Variants in NTM observed in about 807,000 individuals in gnomAD.
NTM encodes the protein IgLON family member 2.
Under a neutral mutation model 42.1 loss-of-function variants are expected in NTM, and 13 were observed. That is an observed-to-expected ratio of 0.31 (90% CI 0.20 to 0.49). The LOEUF (loss-of-function observed/expected upper bound fraction) is 0.49. Ranked by LOEUF, NTM falls within the 20% of genes least tolerant of loss-of-function variation. NTM has a pLI of 0.99. For missense variants in NTM, 373 were observed against 452.8 expected (o/e 0.82, Z 1.60); for synonymous variants, 187 against 179.2 (o/e 1.04, Z -0.35).
In NTM at chr11:132,208,944, A is replaced by G. The variant is rs549839197; in HGVS notation, c.401-3078A>G. Among the ~76,000 whole-genome samples the G allele has an allele frequency of 1.2e-4, 19 of 152,330 alleles. No homozygotes were observed. In the South Asian group the frequency reaches 3.1e-3, roughly 25 times the overall value. ...TGCAAGGCCAGCACAGACATTCTGC[A>G]GGCAGCCTGTCCTCCAGGAAGCAAG... On this transcript the variant is annotated intron_variant, in intron 3 of 8. Transcript: ENST00000683400.
intron 1 of NTM, among the ~76,000 whole-genome samples, chr11:131,552,668 A>C (rs2054854500): frequency 6.6e-6 from 1 of 151,970 alleles, no homozygotes; most frequent in South Asian, 2.1e-4. Context: ...AATACAAAAA[A>C]TTAGCCGGGC....
chr11:131,685,425 A>G (rs779953450), intron 1 of NTM, among the ~76,000 whole-genome samples: 5 of 151,278 alleles, frequency 3.3e-5, no homozygotes, highest in Admixed American at 6.6e-5. Context: ...ATGTGGGGTC[A>G]TGGCAGTTTG....
Position 131,987,793 on chromosome 11 carries a change from C to T in NTM, c.167+76145C>T, listed in dbSNP as rs142019007. 2.2e-3 allele frequency among the ~76,000 whole-genome samples: 341 copies of T among 152,324 alleles called. 1 individual carries two copies. The highest frequency in any genetic ancestry group is 7.7e-3 in the African/African-American group (322 of 41,574). ...AAACACTCAAATGTGTGGCTTTCTT[C>T]ATTTGAACAGTCAGCCACTCAGTCA... On this transcript the variant is annotated intron_variant, in intron 2 of 8. Coordinates refer to ENST00000683400, the MANE Select transcript of NTM (RefSeq NM_001352005.2).
intron 1 of NTM, among the ~76,000 whole-genome samples, chr11:131,468,257 GC>G (rs1371813943): frequency 6.6e-6 from 1 of 152,230 alleles, no homozygotes; most frequent in African/African-American, 2.4e-5. Context: ...ATATGACAAA[GC>G]CCATGCTGTG....
At chr11:132,285,253 G>A (rs1429635099) in intron 4 of NTM, among the ~76,000 whole-genome samples, 1 of 152,222 alleles carries the variant, frequency 6.6e-6, no homozygotes, top group East Asian at 1.9e-4. Context: ...CATTGACTGG[G>A]AGCCATCCTA....
At chr11:131,545,662 T>C (rs1245124457) in intron 1 of NTM, among the ~76,000 whole-genome samples, 1 of 152,164 alleles carries the variant, frequency 6.6e-6, no homozygotes, top group Non-Finnish European at 1.5e-5. Flanking sequence ...AAAGAAACTA[T>C]TAAATCCATG....
At chr11:132,164,349 G>A (rs1034087740) in intron 3 of NTM, among the ~76,000 whole-genome samples, 3 of 152,148 alleles carry the variant, frequency 2.0e-5, no homozygotes, top group African/African-American at 7.2e-5. Flanking sequence ...ATCTAGCTCA[G>A]CATATGGTCA....
intron 2 of NTM, among the ~76,000 whole-genome samples, chr11:132,110,480 A>T (rs2063014065): frequency 6.6e-6 from 1 of 152,244 alleles, no homozygotes; most frequent in African/African-American, 2.4e-5. Context: ...TCCTAATATC[A>T]CGTTGCCCTG....
intron 1 of NTM, among the ~76,000 whole-genome samples, chr11:131,697,480 C>G (rs1466644011): frequency 6.6e-6 from 1 of 152,252 alleles, no homozygotes; most frequent in Non-Finnish European, 1.5e-5. Flanking sequence ...TCTCAGCCCT[C>G]TTTCTGAAGC....
intron 7 of NTM, among the ~76,000 whole-genome samples, chr11:132,320,164 A>T (rs1156810778): frequency 6.6e-6 from 1 of 152,224 alleles, no homozygotes; most frequent in Non-Finnish European, 1.5e-5. Flanking sequence ...CAAAGATGGG[A>T]TAAAAGCCGC....
At chr11:131,966,069 G>A (rs925076691) in intron 2 of NTM, among the ~76,000 whole-genome samples, 48 of 152,078 alleles carry the variant, frequency 3.2e-4, no homozygotes, top group Admixed American at 7.2e-4. Context: ...GTAGGATGAA[G>A]AACACTCGAG....
chr11:131,792,946 T>A (rs937834156), intron 1 of NTM, among the ~76,000 whole-genome samples: 2 of 152,194 alleles, frequency 1.3e-5, no homozygotes, highest in Non-Finnish European at 2.9e-5. Context: ...ATCTCTACTG[T>A]AAAATGGAGA....
intron 2 of NTM, among the ~76,000 whole-genome samples, chr11:132,109,461 T>C (rs965726394): frequency 8.5e-5 from 13 of 152,316 alleles, no homozygotes; most frequent in African/African-American, 3.1e-4. Context: ...ATCTTGGATG[T>C]CCTAGCCTCC....
chr11:131,637,613 ACCT>A (rs1019731872), intron 1 of NTM, among the ~76,000 whole-genome samples: 6 of 150,760 alleles, frequency 4.0e-5, no homozygotes, highest in Non-Finnish European at 5.9e-5. Context: ...TATATATCTG[ACCT>A]CCTCATACCA....
chr11:131,441,773 G>T (rs1490460059), intron 1 of NTM, among the ~76,000 whole-genome samples: 1 of 152,198 alleles, frequency 6.6e-6, no homozygotes, highest in Non-Finnish European at 1.5e-5. Context: ...CTGGAATAGG[G>T]TTGTCTGCTG....
At chr11:131,733,601 C>T (rs1415161203) in intron 1 of NTM, among the ~76,000 whole-genome samples, 1 of 151,762 alleles carries the variant, frequency 6.6e-6, no homozygotes, top group East Asian at 1.9e-4. Flanking sequence ...GATCTCAGCT[C>T]ACTGGCTCAC....
At chr11:131,873,360 G>T (rs1344199712) in intron 1 of NTM, among the ~76,000 whole-genome samples, 1 of 151,264 alleles carries the variant, frequency 6.6e-6, no homozygotes, top group Non-Finnish European at 1.5e-5. Flanking sequence ...GGGGCCTGTT[G>T]GGGGATGGGG....
At chr11:132,327,928 A>G (rs111764974) in intron 7 of NTM, among the ~76,000 whole-genome samples, 1,552 of 152,098 alleles carry the variant, frequency 0.01, 21 homozygotes, top group African/African-American at 0.035. Flanking sequence ...AAAGAGATCA[A>G]TTAAATTTCA....
rs1395091390 is a variant in NTM, at chr11:132,213,997, G to T, written c.526+1850G>T. Among the ~76,000 whole-genome samples, 7 of 61,412 alleles carry T rather than the reference G, an allele frequency of 1.1e-4. 1 individual carries two copies. The highest frequency in any genetic ancestry group is 3.1e-4 in the Non-Finnish European group (7 of 22,570). The allele number at this position is 61,412 out of a possible 152,430, so 40.3% of individuals were successfully genotyped here. On this transcript the variant is annotated intron_variant, in intron 4 of 8. Coordinates refer to ENST00000683400, the MANE Select transcript of NTM (RefSeq NM_001352005.2). ...GATCCGCCCGCCTCGGCCTCCCAAA[G>T]TGCTGGGATTACAGGCGTGAGCCAC...
Sources: gnomAD v4.1 joint callset for allele counts (sites outside exome capture counted in the v4.1 genomes callset) on GRCh38, gnomAD v4.1.1 for gene constraint, MANE v1.5 for transcripts, NCBI Gene and HGNC (gene_info 2026-07-23, HGNC 2026-07-21) for gene names.